Variants in ANKFN1 observed in about 807,000 individuals in gnomAD.
The protein encoded by ANKFN1 is ankyrin repeat and fibronectin type-III domain-containing protein 1.
Under a neutral mutation model 108.7 loss-of-function variants are expected in ANKFN1, and 74 were observed. The ratio of observed to expected loss-of-function variants is 0.68; its 90% CI spans 0.56 to 0.83. The LOEUF (loss-of-function observed/expected upper bound fraction) is 0.83, where lower values mean the gene tolerates loss of function less well. Among genes scored for constraint, ANKFN1 ranks in the 40% least tolerant of loss-of-function variants. The pLI is 0.00. For missense variants in ANKFN1, 1,505 were observed against 1,382.3 expected (o/e 1.09, Z -1.41); for synonymous variants, 547 against 516.2 (o/e 1.06, Z -0.81).
chr17:56,372,891 G>T, intron 7 of ANKFN1, 51 bp downstream of exon 7: 3 of 1,543,178 alleles, frequency 1.9e-6, no homozygotes, highest in Non-Finnish European at 2.6e-6. Flanking sequence ...GCCTCAGTTT[G>T]AGACAGCCAG....
At chr17:56,141,923 CTT>C (rs34394014) in intron 4 of ANKFN1, among the ~76,000 whole-genome samples, 139 of 95,620 alleles carry the variant, frequency 1.5e-3, no homozygotes, top group African/African-American at 6.1e-3. Context: ...CGATGGTGTA[CTT>C]TTTTTTTTTT....
chr17:56,291,782 C>T (rs1454224589), intron 3 of ANKFN1, among the ~76,000 whole-genome samples: 1 of 152,194 alleles, frequency 6.6e-6, no homozygotes, highest in African/African-American at 2.4e-5. Context: ...TTCAGGACAT[C>T]TGTTGAGCTT....
At chr17:56,182,151 G>A (rs1598192833) in intron 1 of ANKFN1, among the ~76,000 whole-genome samples, 1 of 152,216 alleles carries the variant, frequency 6.6e-6, no homozygotes, top group South Asian at 2.1e-4. Flanking sequence ...CTGAGAATAG[G>A]CCAATTAATA....
intron 4 of ANKFN1, among the ~76,000 whole-genome samples, chr17:56,092,578 G>A (rs908074048): frequency 6.6e-6 from 1 of 151,068 alleles, no homozygotes; most frequent in Non-Finnish European, 1.5e-5. Context: ...CCAGTCGGTA[G>A]TATGTTTTTT....
At position 56,091,277 on chromosome 17, in the gene ANKFN1, A is replaced by C. The variant is rs1489949384; in HGVS notation, c.288+44952A>C. On this transcript the variant is annotated intron_variant, in intron 4 of 12. Coordinates refer to the ANKFN1 transcript ENST00000635860. Reference sequence around the variant, plus strand: ...AAAACGTTAATCAAAACTGTAAAACACAATGAAACTGTAGGCATGATACAA... The same window carrying C: ...AAAACGTTAATCAAAACTGTAAAACCCAATGAAACTGTAGGCATGATACAA... Among the ~76,000 whole-genome samples, 2 of 151,384 alleles carry C rather than the reference A, an allele frequency of 1.3e-5. 1 individual carries two copies. Among genetic ancestry groups the C allele is most frequent in the Non-Finnish European group, 3.0e-5 (2 of 67,770 alleles).
chr17:56,345,536 A>G (rs1171749111), intron 4 of ANKFN1, among the ~76,000 whole-genome samples: 1 of 152,174 alleles, frequency 6.6e-6, no homozygotes, highest in Non-Finnish European at 1.5e-5. Context: ...CTGTTTCTCC[A>G]CATCCTCTCC....
At chr17:56,281,694 A>T (rs1312478250) in intron 3 of ANKFN1, among the ~76,000 whole-genome samples, 1 of 152,208 alleles carries the variant, frequency 6.6e-6, no homozygotes, top group Non-Finnish European at 1.5e-5. Flanking sequence ...AAACTTGAAC[A>T]AACACTTCAC....
intron 3 of ANKFN1, among the ~76,000 whole-genome samples, chr17:56,263,162 C>T (rs1393150744): frequency 3.9e-5 from 6 of 152,154 alleles, no homozygotes; most frequent in Non-Finnish European, 7.4e-5. Context: ...GACATAAGAT[C>T]GATTGGCCAT....
At chr17:56,199,228 A>T (rs1261898085) in intron 1 of ANKFN1, among the ~76,000 whole-genome samples, 2 of 149,126 alleles carry the variant, frequency 1.3e-5, no homozygotes, top group Non-Finnish European at 3.0e-5. Flanking sequence ...TCCAAATACA[A>T]TTTTTCCCAT....
rs1598200135 is a variant in ANKFN1 at position 56,186,574 on chromosome 17, T to A, written c.-70-26024T>A. Among the ~76,000 whole-genome samples, 9 of 152,326 alleles carry A rather than the reference T, an allele frequency of 5.9e-5. 1 individual carries two copies. Among genetic ancestry groups the A allele is most frequent in the Middle Eastern group, 3.4e-3 (1 of 294 alleles). Reference sequence around the variant, plus strand: ...ATGTATGAATCGTAGCAAAAATCTCTAAGGTCATTTTGTGTAGAAGAAAAC... The same window carrying A: ...ATGTATGAATCGTAGCAAAAATCTCAAAGGTCATTTTGTGTAGAAGAAAAC... On this transcript the variant is annotated intron_variant, in intron 1 of 20. Coordinates refer to ENST00000682825, the MANE Select transcript of ANKFN1 (RefSeq NM_001370326.1).
intron 1 of ANKFN1, among the ~76,000 whole-genome samples, chr17:56,208,619 A>G (rs1467754557): frequency 6.6e-6 from 1 of 152,186 alleles, no homozygotes; most frequent in African/African-American, 2.4e-5. Context: ...CCTTACTGCT[A>G]TAATAGCTGT....
intron 3 of ANKFN1, among the ~76,000 whole-genome samples, chr17:56,287,763 T>G (rs1162297721): frequency 6.6e-6 from 1 of 152,216 alleles, no homozygotes; most frequent in East Asian, 1.9e-4. Context: ...CAACCAATTC[T>G]CAAACTCCTC....
chr17:56,451,943 T>C (rs758956377), intron 11 of ANKFN1, among the ~76,000 whole-genome samples: 3 of 152,156 alleles, frequency 2.0e-5, no homozygotes, highest in Non-Finnish European at 4.4e-5. Context: ...GGTACCAACA[T>C]CTACATTAAT....
intron 3 of ANKFN1, among the ~76,000 whole-genome samples, chr17:56,275,875 A>T (rs1340482420): frequency 6.6e-6 from 1 of 152,174 alleles, no homozygotes; most frequent in Non-Finnish European, 1.5e-5. Flanking sequence ...TACTATTATT[A>T]TTATACTTTA....
chr17:56,167,788 T>G (rs1465556454), intron 1 of ANKFN1, among the ~76,000 whole-genome samples: 1 of 152,154 alleles, frequency 6.6e-6, no homozygotes, highest in Non-Finnish European at 1.5e-5. Context: ...ACGTGGAAAC[T>G]TCCAGTGCTA....
chr17:56,254,899 C>T (rs2043320852), intron 3 of ANKFN1, among the ~76,000 whole-genome samples: 1 of 152,150 alleles, frequency 6.6e-6, no homozygotes. Flanking sequence ...ATGGCAACCC[C>T]CAGACACAAA....
At chr17:56,148,347 T>G (rs1184146838) in intron 4 of ANKFN1, among the ~76,000 whole-genome samples, 1 of 152,246 alleles carries the variant, frequency 6.6e-6, no homozygotes, top group African/African-American at 2.4e-5. Flanking sequence ...ATTCTCCTAA[T>G]TTTACAGGAA....
rs535331287 is a variant in ANKFN1, at chr17:56,420,730, C to T, written c.911-19597C>T. Among the ~76,000 whole-genome samples, 6 of 131,048 alleles carry T rather than the reference C, an allele frequency of 4.6e-5. No homozygotes were observed. In the East Asian group the frequency reaches 8.9e-4, roughly 19 times the overall value. 86.0% of individuals were successfully genotyped at this position (131,048 alleles called of 152,430 possible). A position where few individuals can be genotyped will look rare whatever the true frequency, so the allele number is the denominator to read the frequency against. ...TTGTTGTTTTCTTTTTTTTTTGAGA[C>T]GGAGTCTCACTCTGTCGCCCAGGCT... is the stretch of plus-strand genomic sequence containing the variant. On this transcript the variant is annotated intron_variant, in intron 8 of 20. Transcript: ENST00000682825.
chr17:56,188,545 A>ATGTGTGTGTGTGTGTG (rs1173100959), intron 1 of ANKFN1, among the ~76,000 whole-genome samples: 1 of 87,224 alleles, frequency 1.1e-5, no homozygotes, highest in African/African-American at 5.1e-5. Flanking sequence ...TAAGATGTAT[A>ATGTGTGTGTGTGTGTG]TGTGTGTGTG....
Sources: allele counts gnomAD v4.1 joint callset (sites outside exome capture counted in the v4.1 genomes callset), GRCh38; gene constraint gnomAD v4.1.1; transcripts MANE v1.5; gene names NCBI Gene and HGNC (gene_info 2026-07-23, HGNC 2026-07-21).